The following DNM2 variants were observed in gnomAD, a reference collection of about 807,000 sequenced individuals.
DNM2 encodes the protein dynamin 2.
DNM2 carries 15 observed loss-of-function variants against 99.0 expected under a neutral mutation model. The ratio of observed to expected loss-of-function variants is 0.15; its 90% confidence interval spans 0.10 to 0.23. DNM2 has a LOEUF of 0.23. Among genes scored for constraint, DNM2 ranks in the 10% least tolerant of loss-of-function variants. The pLI is 1.00. For synonymous variants in DNM2, 525 were observed against 481.2 expected, an observed-to-expected ratio of 1.09 and a Z score of -1.19; for missense variants, 742 against 1,189.4, an observed-to-expected ratio of 0.62 and a Z score of 5.53.
intron 1 of DNM2, among the ~76,000 whole-genome samples, chr19:10,743,809 C>CAAAAAAAAAAA (rs35999203): frequency 6.1e-5 from 2 of 32,632 alleles, no homozygotes; most frequent in African/African-American, 1.5e-4. Context: ...GACTCTGTCT[C>CAAAAAAAAAAA]AAAAAAAAAA....
intron 11 of DNM2, among the ~76,000 whole-genome samples, chr19:10,801,919 A>AC (rs1275374252): frequency 1.3e-5 from 2 of 151,884 alleles, no homozygotes; most frequent in African/African-American, 2.4e-5. Context: ...AAAAAAAAAA[A>AC]AAAAACAAAA....
intron 1 of DNM2, among the ~76,000 whole-genome samples, chr19:10,738,720 G>A (rs2069623829): frequency 6.6e-6 from 1 of 152,038 alleles, no homozygotes; most frequent in South Asian, 2.1e-4. Context: ...AAAAAAGTTA[G>A]TTAGCTGGGC....
At chr19:10,793,471 G>A (rs1399588283) in intron 7 of DNM2, among the ~76,000 whole-genome samples, 2 of 152,220 alleles carry the variant, frequency 1.3e-5, no homozygotes, top group Non-Finnish European at 2.9e-5. Context: ...TGCAAAGTGG[G>A]AGGAATAAGT....
rs2070555585 is a variant in DNM2 at position 10,759,775 on chromosome 19, C to T, written c.199C>T (p.Arg67Trp). 1 of 1,614,120 alleles carries T rather than the reference C, an allele frequency of 6.2e-7. No homozygotes were observed. The highest frequency in any genetic ancestry group is 2.2e-5 in the East Asian group (1 of 44,884). Reference sequence around the variant, plus strand: ...CCGCGGTTCAGGAATCGTCACCCGGCGGCCTCTCATTCTGCAGCTCATCTT... The same window carrying T: ...CCGCGGTTCAGGAATCGTCACCCGGTGGCCTCTCATTCTGCAGCTCATCTT... ...LPRGSGIVTRRPLILQLIFSK... is the reference protein window; with the variant it reads ...LPRGSGIVTRWPLILQLIFSK... Residue 67 changes from arginine to tryptophan, a missense_variant, in exon 2 of 21, where the codon CGG becomes TGG. Around this residue, in one of 7 missense-constraint regions of DNM2, gnomAD observed 192 missense variants for 358.9 expected, o/e 0.54. Transcript: ENST00000389253.
Position 10,823,782 on chromosome 19 carries a change from C to T in DNM2, c.1782-6C>T, listed in dbSNP as rs963604980. On this transcript the variant is annotated splice_polypyrimidine_tract_variant and splice_region_variant and intron_variant, in intron 16 of 20. Transcript: ENST00000389253. ...CTTGTGCCCCTCCTTCCCCACCCCC[C>T]CGCAGAAACGTCTACAAGGACCTGC... is the stretch of plus-strand genomic sequence containing the variant. The T allele has an allele frequency of 1.2e-5, 19 of 1,613,600 alleles. No individual in the cohort carries two copies. The highest frequency in any genetic ancestry group is 1.6e-5 in the Non-Finnish European group (19 of 1,179,898).
chr19:10,800,224 C>G (rs1381690743), intron 11 of DNM2, among the ~76,000 whole-genome samples: 6 of 152,180 alleles, frequency 3.9e-5, no homozygotes, highest in Non-Finnish European at 8.8e-5. Flanking sequence ...GAAACCAGAG[C>G]TTAATTAAGC....
At chr19:10,767,421 C>T (rs1324561675) in intron 2 of DNM2, among the ~76,000 whole-genome samples, 1 of 152,222 alleles carries the variant, frequency 6.6e-6, no homozygotes, top group East Asian at 1.9e-4. Context: ...AAGCAGTCCT[C>T]CCACCTCAGC....
At chr19:10,785,522 C>T (rs1411953609) in intron 6 of DNM2, among the ~76,000 whole-genome samples, 3 of 152,352 alleles carry the variant, frequency 2.0e-5, no homozygotes, top group East Asian at 3.9e-4. Context: ...CCTCAGCCTC[C>T]TGTACTCAAG....
chr19:10,812,080 C>A lies in DNM2; in HGVS notation c.1558-184C>A. 1 of 574,198 alleles carries A rather than the reference C, an allele frequency of 1.7e-6. No homozygotes were observed. Among genetic ancestry groups the A allele is most frequent in the South Asian group, 1.5e-5 (1 of 65,664 alleles). 35.6% of individuals were successfully genotyped at this position (574,198 alleles called of 1,614,324 possible). ...GTCCGCCCACCTGCCCAGGTGGCGC[C>A]TCATGTTGGTTTCCTGCTGGAAATG... On this transcript the variant is annotated intron_variant, in intron 14 of 20. Transcript: ENST00000389253. The surrounding 1 kb of genome is among the most constrained non-coding windows in gnomAD (Gnocchi z 4.0).
chr19:10,804,520 G>T (rs1369972215), intron 12 of DNM2, among the ~76,000 whole-genome samples: 1 of 152,002 alleles, frequency 6.6e-6, no homozygotes, highest in African/African-American at 2.4e-5. Context: ...GTGAAACCCT[G>T]TCTCTACAAA....
In DNM2 at chr19:10,796,306, C is replaced by A; in HGVS notation, c.1196+867C>A. 1 of 1,535,564 alleles carries A rather than the reference C, an allele frequency of 6.5e-7. No individual in the cohort carries two copies. The highest frequency in any genetic ancestry group is 9.0e-7 in the Non-Finnish European group (1 of 1,115,692). On this transcript the variant is annotated intron_variant, in intron 9 of 20. Coordinates refer to ENST00000389253, the MANE Select transcript of DNM2 (RefSeq NM_001005361.3). This position sits in a 1 kb window ranked among gnomAD's most constrained non-coding sequence, Gnocchi z 5.6. ...TTGGCCCCCACTGGTGCCTTTTCTC[C>A]CCATATCGCTTTGTGTCCGTGAACT...
intron 1 of DNM2, among the ~76,000 whole-genome samples, chr19:10,733,618 G>A (rs2069415306): frequency 6.6e-6 from 1 of 152,154 alleles, no homozygotes; most frequent in African/African-American, 2.4e-5. Flanking sequence ...TTACAACCAA[G>A]AAATTAACCT....
Position 10,811,654 on chromosome 19 carries a change from G to A in DNM2, c.1558-610G>A, listed in dbSNP as rs2072549249. Reference sequence around the variant, plus strand: ...TGGGAGCACAGCCCCCAGGCTGCCTGCCGTTAGTTGTCAGGTGAGTCCCTG... The same window carrying A: ...TGGGAGCACAGCCCCCAGGCTGCCTACCGTTAGTTGTCAGGTGAGTCCCTG... On this transcript the variant is annotated intron_variant, in intron 14 of 20. Coordinates refer to ENST00000389253, the MANE Select transcript of DNM2 (RefSeq NM_001005361.3). The surrounding 1 kb of genome is among the most constrained non-coding windows in gnomAD (Gnocchi z 5.4). 1 of 502,476 alleles carries A rather than the reference G, an allele frequency of 2.0e-6. No homozygotes were observed. The highest frequency in any genetic ancestry group is 4.0e-6 in the Non-Finnish European group (1 of 252,534). The allele number at this position is 502,476 out of a possible 1,614,324, so 31.1% of individuals were successfully genotyped here.
At chr19:10,760,122 CT>C (rs1210871128) in intron 2 of DNM2, among the ~76,000 whole-genome samples, 1 of 152,060 alleles carries the variant, frequency 6.6e-6, no homozygotes, top group African/African-American at 2.4e-5. Flanking sequence ...CAACCTCCAC[CT>C]CCCAGGTTCC....
Position 10,812,464 on chromosome 19 carries a change from T to A in DNM2, c.1671+87T>A. On this transcript the variant is annotated intron_variant, in intron 15 of 20. Transcript: ENST00000389253. This position sits in a 1 kb window ranked among gnomAD's most constrained non-coding sequence, Gnocchi z 4.0. ...GGCGCTCCCTCTGGGCAGAACTCAG[T>A]CACTGCGCCACTCTGCCCTGAGTCA... is the stretch of plus-strand genomic sequence containing the variant. 1 of 1,102,260 alleles carries A rather than the reference T, an allele frequency of 9.1e-7. No homozygotes were observed. Among genetic ancestry groups the A allele is most frequent in the Non-Finnish European group, 1.3e-6 (1 of 755,672 alleles). 68.3% of individuals were successfully genotyped at this position (1,102,260 alleles called of 1,614,324 possible).
At chr19:10,801,252 G>A in intron 11 of DNM2, among the ~76,000 whole-genome samples, 1 of 152,054 alleles carries the variant, frequency 6.6e-6, no homozygotes, top group South Asian at 2.1e-4. Context: ...GTTGCAGTGA[G>A]CCGAGATTAC....
intron 11 of DNM2, among the ~76,000 whole-genome samples, chr19:10,801,911 A>G (rs536630292): frequency 7.4e-6 from 1 of 135,244 alleles, no homozygotes; most frequent in East Asian, 1.9e-4. Flanking sequence ...TCTCGAAGAA[A>G]AAAAAAAAAA....
At chr19:10,754,629 G>A (rs774553649) in intron 1 of DNM2, among the ~76,000 whole-genome samples, 1 of 148,006 alleles carries the variant, frequency 6.8e-6, no homozygotes, top group Admixed American at 6.7e-5. Flanking sequence ...TCCCTCTGTT[G>A]CCCAGGCTGG....
At chr19:10,754,127 G>A (rs1432132916) in intron 1 of DNM2, among the ~76,000 whole-genome samples, 1 of 152,126 alleles carries the variant, frequency 6.6e-6, no homozygotes, top group Middle Eastern at 3.2e-3. Context: ...TAACAGGGTT[G>A]TAACAATTCT....
Sources: allele counts gnomAD v4.1 joint callset (sites outside exome capture counted in the v4.1 genomes callset), GRCh38; gene constraint gnomAD v4.1.1; regional missense constraint gnomAD v4.1.1; non-coding constraint Gnocchi (gnomAD v3.1); transcripts MANE v1.5; gene names NCBI Gene and HGNC (gene_info 2026-07-23, HGNC 2026-07-21).